Variants in PRPF39 observed in about 807,000 individuals in gnomAD.
PRPF39 encodes the protein pre-mRNA processing factor 39, also known as pre-mRNA-processing factor 39.
PRPF39 carries 27 observed loss-of-function variants against 82.1 expected under a neutral mutation model. That is an observed-to-expected ratio of 0.33 (90% confidence interval 0.24 to 0.45). The LOEUF (loss-of-function observed/expected upper bound fraction) is 0.45. Ranked by LOEUF, PRPF39 falls within the 20% of genes least tolerant of loss-of-function variation. The pLI, the probability that PRPF39 is intolerant of heterozygous loss-of-function variation, is 1.00. For missense variants in PRPF39, 581 were observed against 796.9 expected, an observed-to-expected ratio of 0.73 and a Z score of 3.26; for synonymous variants, 261 against 256.4, an observed-to-expected ratio of 1.02 and a Z score of -0.17.
intron 4 of PRPF39, among the ~76,000 whole-genome samples, chr14:45,099,452 T>TTA: frequency 1.3e-5 from 2 of 148,496 alleles, no homozygotes; most frequent in South Asian, 4.3e-4. Context: ...ATTATTATTA[T>TTA]TTTTTTTTTT....
chr14:45,107,662 C>T, intron 6 of PRPF39, 46 bp downstream of exon 6: 1 of 1,513,674 alleles, frequency 6.6e-7, no homozygotes, highest in Non-Finnish European at 8.9e-7. Context: ...GGTATGGTGG[C>T]TTATGCCTGT....
chr14:45,112,260 T>C, intron 10 of PRPF39, 58 bp from the exon 11 acceptor site: 1 of 1,359,266 alleles, frequency 7.4e-7, no homozygotes, highest in South Asian at 1.5e-5. Context: ...GCATTTTAAA[T>C]ATCTGTGCTC....
Position 45,110,227 on chromosome 14 carries a change from G to A in PRPF39, c.1303+7G>A, listed in dbSNP as rs776245011. 2 of 1,611,728 alleles carry A rather than the reference G, an allele frequency of 1.2e-6. No individual in the cohort carries two copies. The highest frequency in any genetic ancestry group is 1.1e-5 in the South Asian group (1 of 90,544). On this transcript the variant is annotated splice_region_variant and intron_variant, in intron 9 of 13. Transcript: ENST00000355765. This position sits in a 1 kb window ranked among gnomAD's most constrained non-coding sequence, Gnocchi z 4.0. The stretch of plus-strand genomic sequence containing the variant: ...GCTTTTGAGGAACAGCAGGGTAAGA[G>A]TGGAGAAATTCAGTTGACATTTTTG...
At chr14:45,099,858 G>A (rs1884319386) in intron 4 of PRPF39, among the ~76,000 whole-genome samples, 1 of 152,076 alleles carries the variant, frequency 6.6e-6, no homozygotes, top group African/African-American at 2.4e-5. Flanking sequence ...TGATACTAAG[G>A]ATAGTTGAGA....
At chr14:45,109,925 C>T in intron 8 of PRPF39, 145 bp downstream of exon 8, 1 of 1,519,442 alleles carries the variant, frequency 6.6e-7, no homozygotes, top group Non-Finnish European at 8.8e-7. Context: ...GATTTGACTG[C>T]TGCATATGCC....
intron 5 of PRPF39, among the ~76,000 whole-genome samples, chr14:45,106,571 T>G (rs931313010): frequency 3.3e-5 from 5 of 152,200 alleles, no homozygotes; most frequent in Non-Finnish European, 7.3e-5. Flanking sequence ...TTCAAAAATC[T>G]TTTTATAGAT....
At chr14:45,096,336 T>TG (rs1270554635) in intron 3 of PRPF39, 108 bp downstream of exon 3, 1 of 1,531,768 alleles carries the variant, frequency 6.5e-7, no homozygotes, top group Non-Finnish European at 8.8e-7. Context: ...TACCTACCAT[T>TG]TATGGTCAAA....
At chr14:45,111,668 T>G in intron 10 of PRPF39, among the ~76,000 whole-genome samples, 1 of 122,846 alleles carries the variant, frequency 8.1e-6, no homozygotes, top group Admixed American at 9.3e-5. Context: ...TGAGACAGAG[T>G]TTCATTGTCA....
At chr14:45,114,749 C>A in intron 13 of PRPF39, 108 bp from the exon 14 acceptor site, 1 of 1,372,222 alleles carries the variant, frequency 7.3e-7, no homozygotes, top group Non-Finnish European at 1.0e-6. Flanking sequence ...AGAATTTTAG[C>A]AGTGAACACT....
intron 4 of PRPF39, among the ~76,000 whole-genome samples, chr14:45,102,058 C>G (rs961276517): frequency 1.3e-5 from 2 of 152,110 alleles, no homozygotes; most frequent in Non-Finnish European, 2.9e-5. Flanking sequence ...CCTCCCGCCT[C>G]AGCCTCCCTA....
chr14:45,110,310 G>C lies in PRPF39; in HGVS notation c.1303+90G>C, dbSNP rs1269117804. ...ATTGAGTGGTAAGGGATGGTGTAAAGCAGAGTTTGGCAAACTTTTTCTCTA... is the reference window on the plus strand; with the variant it reads ...ATTGAGTGGTAAGGGATGGTGTAAACCAGAGTTTGGCAAACTTTTTCTCTA... On this transcript the variant is annotated intron_variant, in intron 9 of 13. Transcript: ENST00000355765. This position sits in a 1 kb window ranked among gnomAD's most constrained non-coding sequence, Gnocchi z 4.0. 2.0e-6 allele frequency: 3 copies of C among 1,499,724 alleles called. No homozygotes were observed. The East Asian group carries it at 7.0e-5, about 35-fold the overall frequency. 92.9% of individuals were successfully genotyped at this position (1,499,724 alleles called of 1,614,324 possible).
At position 45,112,335 on chromosome 14, in the gene PRPF39, C is replaced by A; in HGVS notation, c.1590C>A (p.Tyr530Ter). ...IERDKENTKL[Y>*]LNLLEMEYSG... Reference sequence around the variant, plus strand: ...TTACACAGGAGAACACAAAGTTATACCTCAATTTACTTGAAATGGAATATA... The same window carrying A: ...TTACACAGGAGAACACAAAGTTATAACTCAATTTACTTGAAATGGAATATA... The change falls in exon 11 of 14, where the codon TAC becomes TAA. Residue 530 changes from tyrosine (Y) to a stop codon, truncating the protein, a stop_gained. Transcript: ENST00000355765. LOFTEE classifies it high-confidence loss of function. 1 of 1,558,936 alleles carries A rather than the reference C, an allele frequency of 6.4e-7. No individual in the cohort carries two copies. Among genetic ancestry groups the A allele is most frequent in the Non-Finnish European group, 8.6e-7 (1 of 1,163,278 alleles).
In PRPF39 at chr14:45,110,026, G is replaced by A. The variant is rs942104903; in HGVS notation, c.1177-68G>A. The stretch of plus-strand genomic sequence containing the variant: ...ATGGGTTTAAAAATAGAATTTTATC[G>A]TTCTGTCACAAATTTAATGGCTTGT... On this transcript the variant is annotated intron_variant, in intron 8 of 13. Transcript: ENST00000355765. This position sits in a 1 kb window ranked among gnomAD's most constrained non-coding sequence, Gnocchi z 4.0. 1.7e-5 allele frequency: 27 copies of A among 1,599,176 alleles called. No individual in the cohort carries two copies. The highest frequency in any genetic ancestry group is 3.4e-5 in the Admixed American group (2 of 58,486).
chr14:45,116,085 TC>T lies in PRPF39; in HGVS notation c.*1174del. The T allele has an allele frequency of 1.4e-6, 1 of 730,320 alleles. No individual in the cohort carries two copies. The highest frequency in any genetic ancestry group is 2.5e-5 in the East Asian group (1 of 40,074). The allele number at this position is 730,320 out of a possible 1,614,324, so 45.2% of individuals were successfully genotyped here. A position where few individuals can be genotyped will look rare whatever the true frequency, so the allele number is the denominator to read the frequency against. ...CAAATTTTATTAACTCCTTGAATTTTCCAGTTGACTCTTCCTTTACAATAGT... is the reference window on the plus strand; with the variant it reads ...CAAATTTTATTAACTCCTTGAATTTTCAGTTGACTCTTCCTTTACAATAGT... On this transcript the variant is annotated 3_prime_UTR_variant, in exon 14 of 14. Transcript: ENST00000355765.
At chr14:45,114,108 G>A in intron 11 of PRPF39, 75 bp from the exon 12 acceptor site, 1 of 1,156,458 alleles carries the variant, frequency 8.6e-7, no homozygotes, top group Non-Finnish European at 1.2e-6. Flanking sequence ...AGTTTCCTAA[G>A]TAAAAACAAC....
intron 11 of PRPF39, among the ~76,000 whole-genome samples, chr14:45,112,709 C>T (rs1475998750): frequency 2.0e-5 from 3 of 152,120 alleles, no homozygotes; most frequent in Non-Finnish European, 2.9e-5. Context: ...GTCTTTCCTT[C>T]AAAACTGTTT....
intron 1 of PRPF39, among the ~76,000 whole-genome samples, chr14:45,094,207 A>G (rs1884129588): frequency 6.6e-6 from 1 of 152,158 alleles, no homozygotes; most frequent in South Asian, 2.1e-4. Context: ...CTCATTTTAA[A>G]AAAAATGAGA....
In PRPF39 at chr14:45,109,696, T is replaced by G. The variant is rs916056972; in HGVS notation, c.1092T>G (p.Ile364Met). Reference sequence around the variant, plus strand: ...GGAAAGAATACTTAGAATTTGAAATTGAAAATGGGACTCATGAACGAGTTG... The same window carrying G: ...GGAAAGAATACTTAGAATTTGAAATGGAAAATGGGACTCATGAACGAGTTG... ...KNWKEYLEFE[I>M]ENGTHERVVV... Residue 364 changes from isoleucine (I) to methionine (M), a missense_variant, in exon 8 of 14, where the codon ATT (isoleucine) becomes ATG (methionine). Physicochemically the swap from Ile to Met is conservative, Grantham distance 10. Transcript: ENST00000355765. 1.3e-5 allele frequency: 21 copies of G among 1,608,744 alleles called. No individual in the cohort carries two copies. The highest frequency in any genetic ancestry group is 5.3e-5 in the African/African-American group (4 of 74,886).
At chr14:45,095,628 CAGT>C (rs1884173966) in intron 2 of PRPF39, 65 bp downstream of exon 2, 1 of 1,446,318 alleles carries the variant, frequency 6.9e-7, no homozygotes, top group South Asian at 1.5e-5. Context: ...TATAATGAAA[CAGT>C]AGACCTTATT....
Sources: allele counts gnomAD v4.1 joint callset (sites outside exome capture counted in the v4.1 genomes callset), GRCh38; gene constraint gnomAD v4.1.1; non-coding constraint Gnocchi (gnomAD v3.1); transcripts MANE v1.5; gene names NCBI Gene and HGNC (gene_info 2026-07-23, HGNC 2026-07-21).